The following CCDC191 variants were observed in gnomAD, a reference collection of about 807,000 sequenced individuals.
CCDC191 encodes the protein coiled-coil domain containing 191, also known as coiled-coil domain-containing protein 191.
CCDC191 carries 99 observed loss-of-function variants against 114.0 expected under a neutral mutation model. The observed-to-expected ratio is 0.87, with a 90% CI of 0.74 to 1.03. CCDC191 has a LOEUF of 1.03. Among genes scored for constraint, CCDC191 ranks in the 50% least tolerant of loss-of-function variants. CCDC191 has a pLI of 0.00. For missense variants in CCDC191, 973 were observed against 1,087.0 expected, an observed-to-expected ratio of 0.90 and a Z score of 1.47; for synonymous variants, 351 against 376.0, an observed-to-expected ratio of 0.93 and a Z score of 0.77.
intron 13 of CCDC191, among the ~76,000 whole-genome samples, chr3:113,999,077 G>A (rs557142408): frequency 3.9e-5 from 6 of 152,280 alleles, no homozygotes; most frequent in Admixed American, 6.5e-5. Flanking sequence ...TCAGAAGTCC[G>A]TACATGCTCT....
At chr3:114,042,003 A>G (rs1042257258) in intron 4 of CCDC191, among the ~76,000 whole-genome samples, 17 of 152,198 alleles carry the variant, frequency 1.1e-4, no homozygotes, top group African/African-American at 3.9e-4. Flanking sequence ...TCTGGAAAAA[A>G]AAACTAGAAA....
At chr3:113,999,665 A>G (rs1157871910) in intron 13 of CCDC191, among the ~76,000 whole-genome samples, 1 of 152,170 alleles carries the variant, frequency 6.6e-6, no homozygotes, top group African/African-American at 2.4e-5. Context: ...GGGTAGTGGA[A>G]GAAGGTATTT....
In CCDC191 at chr3:114,035,053, C is replaced by G; in HGVS notation, c.690G>C (p.Leu230=). The G allele has an allele frequency of 2.5e-6, 4 of 1,614,054 alleles. No individual in the cohort carries two copies. The highest frequency in any genetic ancestry group is 3.4e-6 in the Non-Finnish European group (4 of 1,179,966). Residue 230 remains leucine, a synonymous_variant, in exon 6 of 17, where the codon CTG becomes CTC. Coordinates refer to ENST00000295878, the MANE Select transcript of CCDC191 (RefSeq NM_020817.2). ...KKSAFLEAQC[L]VQEEKKRKAL... ...CCTTCCTTTTCTTCTCTTCTTGCAC[C>G]AGACACTGAGCCTCCAAGAAGGCCG...
chr3:114,045,092 G>A (rs2076611332), intron 3 of CCDC191, among the ~76,000 whole-genome samples: 1 of 152,054 alleles, frequency 6.6e-6, no homozygotes, highest in South Asian at 2.1e-4. Flanking sequence ...GGCAGCATGG[G>A]AAATGAGGCA....
intron 8 of CCDC191, among the ~76,000 whole-genome samples, chr3:114,018,423 C>T (rs1394784096): frequency 6.6e-6 from 1 of 151,986 alleles, no homozygotes; most frequent in Non-Finnish European, 1.5e-5. Context: ...GATCCTTCTG[C>T]CTTAGCCTTC....
chr3:114,050,818 T>C (rs1201054832), intron 2 of CCDC191, among the ~76,000 whole-genome samples: 1 of 152,080 alleles, frequency 6.6e-6, no homozygotes, highest in Non-Finnish European at 1.5e-5. Flanking sequence ...AGTAGGGAAA[T>C]GATTTGATTA....
At chr3:114,004,139 T>C (rs1182724130) in intron 11 of CCDC191, 1 of 955,192 alleles carries the variant, frequency 1.0e-6, no homozygotes, top group Admixed American at 6.2e-5. Flanking sequence ...GCATCAAAAA[T>C]GTTATCAAAT....
In CCDC191 at chr3:114,036,950, G is replaced by A. The variant is rs3821676; in HGVS notation, c.416-164C>T. The A allele has an allele frequency of 3.7e-3, 1,375 of 368,116 alleles. 15 individuals are homozygous for A. The highest frequency in any genetic ancestry group is 0.017 in the East Asian group (386 of 22,720). 22.8% of individuals were successfully genotyped at this position (368,116 alleles called of 1,614,324 possible). ...AACTGATTGAGTATAGCCCTCAGCA[G>A]TTACCTTCAACTAAGAATAAAAAAG... On this transcript the variant is annotated intron_variant, in intron 4 of 16. Transcript: ENST00000295878.
At chr3:113,994,515 C>T (rs1212164451) in intron 13 of CCDC191, among the ~76,000 whole-genome samples, 2 of 151,790 alleles carry the variant, frequency 1.3e-5, no homozygotes, top group Non-Finnish European at 2.9e-5. Context: ...TGACTTACCA[C>T]ACTACCTAGC....
chr3:114,015,989 A>G (rs1181031182), intron 8 of CCDC191, among the ~76,000 whole-genome samples: 1 of 152,200 alleles, frequency 6.6e-6, no homozygotes, highest in East Asian at 1.9e-4. Flanking sequence ...TCAGAGAGAA[A>G]GTGGGAAGAA....
chr3:114,018,924 C>CT, intron 7 of CCDC191, 56 bp from the exon 8 acceptor site: 1 of 1,455,436 alleles, frequency 6.9e-7, no homozygotes, highest in South Asian at 1.2e-5. Context: ...TTTCTAATAT[C>CT]TAACACTGAC....
chr3:114,020,838 GATA>G (rs1203094586), intron 7 of CCDC191, among the ~76,000 whole-genome samples: 1 of 152,052 alleles, frequency 6.6e-6, no homozygotes, highest in African/African-American at 2.4e-5. Context: ...AATCCATCTT[GATA>G]ATAATAACAC....
chr3:114,010,836 A>AT lies in CCDC191; in HGVS notation c.1348_1349insA (p.Leu450TyrfsTer8). The AT allele has an allele frequency of 6.2e-7, 1 of 1,613,924 alleles. No individual in the cohort carries two copies. The highest frequency in any genetic ancestry group is 8.5e-7 in the Non-Finnish European group (1 of 1,179,762). ...CTCCTCAGGTAGACTGATGCCTGATAACCCATTGGCACTGAGTTTCCCCAG... is the reference window on the plus strand; with the variant it reads ...CTCCTCAGGTAGACTGATGCCTGATATACCCATTGGCACTGAGTTTCCCCAG... On this transcript the variant is annotated frameshift_variant, in exon 9 of 17. Coordinates refer to ENST00000295878, the MANE Select transcript of CCDC191 (RefSeq NM_020817.2). LOFTEE classifies it high-confidence loss of function.
intron 13 of CCDC191, among the ~76,000 whole-genome samples, chr3:113,989,185 T>C (rs2075473254): frequency 6.6e-6 from 1 of 152,286 alleles, no homozygotes; most frequent in Non-Finnish European, 1.5e-5. Flanking sequence ...GAGAAATAAG[T>C]CTCAAGTTTA....
chr3:114,040,854 C>A (rs886695804), intron 4 of CCDC191, among the ~76,000 whole-genome samples: 5 of 151,982 alleles, frequency 3.3e-5, no homozygotes, highest in Non-Finnish European at 7.4e-5. Flanking sequence ...TGGCCTTTAT[C>A]AAGTTGAAGA....
Position 114,002,488 on chromosome 3 carries a change from C to T in CCDC191, c.2029G>A (p.Glu677Lys). The T allele has an allele frequency of 6.2e-7, 1 of 1,610,654 alleles. No individual in the cohort carries two copies. The highest frequency in any genetic ancestry group is 8.5e-7 in the Non-Finnish European group (1 of 1,178,808). The change falls in exon 12 of 17, where the codon GAG (glutamate) becomes AAG (lysine). Residue 677 changes from glutamate to lysine, a missense_variant. Glu to Lys is a moderately conservative substitution (Grantham distance 56, BLOSUM62 1). Transcript: ENST00000295878. Reference protein sequence around the residue: ...QRAECRRILAEKKKKQEEEKL... With the variant: ...QRAECRRILAKKKKKQEEEKL... ...TCTTCTTCTTGTTTTTTCTTCTTCT[C>T]TGCCAAGATCCGCCTACATTCAGCT...
At chr3:114,031,939 CTT>C (rs1267264363) in intron 6 of CCDC191, among the ~76,000 whole-genome samples, 160 bp from the exon 7 acceptor site, 3 of 152,004 alleles carry the variant, frequency 2.0e-5, no homozygotes, top group South Asian at 2.1e-4. Flanking sequence ...TTTTTGGAGA[CTT>C]ATTTTATTCC....
intron 2 of CCDC191, among the ~76,000 whole-genome samples, chr3:114,049,494 A>C (rs1207679783): frequency 1.3e-5 from 2 of 152,202 alleles, no homozygotes; most frequent in Non-Finnish European, 1.5e-5. Flanking sequence ...CGTAGACTTG[A>C]CTTAGTTCCT....
rs769983903 is a variant in CCDC191 at position 113,978,186 on chromosome 3, C to T, written c.2606G>A (p.Arg869Lys). ...KHEIAAEHSD[R>K]RILWITLRTW... is the part of the protein sequence containing the mutation. ...ATTTTCCTCACTATCAAAACCTCAC[C>T]TGTCACTGTGCTCCGCTGCAATCTC... The change falls in exon 16 of 17, where the codon AGG becomes AAG. Residue 869 changes from arginine to lysine, a missense_variant and splice_region_variant. Physicochemically the swap from Arg to Lys is conservative, Grantham distance 26. Transcript: ENST00000295878. 1.9e-5 allele frequency: 30 copies of T among 1,613,806 alleles called. No individual in the cohort carries two copies. Among genetic ancestry groups the T allele is most frequent in the African/African-American group, 9.3e-5 (7 of 74,906 alleles).
Sources: allele counts gnomAD v4.1 joint callset (sites outside exome capture counted in the v4.1 genomes callset), GRCh38; gene constraint gnomAD v4.1.1; transcripts MANE v1.5; gene names NCBI Gene and HGNC (gene_info 2026-07-23, HGNC 2026-07-21).